KLF8: variants seen among roughly 807,000 people sequenced by gnomAD.
The protein encoded by KLF8 is KLF transcription factor 8.
Under a neutral mutation model 18.2 loss-of-function variants are expected in KLF8, and 10 were observed. The observed-to-expected ratio is 0.55, with a 90% CI of 0.34 to 0.93. The LOEUF (loss-of-function observed/expected upper bound fraction) is 0.93, where lower values mean the gene tolerates loss of function less well. Among genes scored for constraint, KLF8 ranks in the 40% least tolerant of loss-of-function variants. The pLI, the probability that KLF8 is intolerant of heterozygous loss-of-function variation, is 0.02. For missense variants in KLF8, 264 were observed against 277.9 expected (o/e 0.95, Z 0.36); for synonymous variants, 109 against 97.3 (o/e 1.12, Z -0.71).
At chrX:56,080,148 A>T in the KLF8 span, among the ~76,000 whole-genome samples, 7 of 110,368 alleles carry the variant, frequency 6.3e-5, no homozygotes, top group Non-Finnish European at 1.3e-4. Flanking sequence ...GTCCATTTCC[A>T]TTTAAAGTTA....
the KLF8 span, among the ~76,000 whole-genome samples, chrX:55,922,264 A>G: frequency 1.8e-5 from 2 of 112,958 alleles, no homozygotes; most frequent in South Asian, 3.6e-4. Flanking sequence ...TACATTACAC[A>G]ATGGAATACT....
chrX:55,971,377 A>C, the KLF8 span, among the ~76,000 whole-genome samples: 4 of 111,379 alleles, frequency 3.6e-5, no homozygotes, highest in African/African-American at 1.3e-4. Context: ...TCAAAAAACT[A>C]TACCCTTATC....
At chrX:56,006,914 A>C in the KLF8 span, among the ~76,000 whole-genome samples, 1 of 111,709 alleles carries the variant, frequency 9.0e-6, no homozygotes, top group Non-Finnish European at 1.9e-5. Flanking sequence ...GATAGCAGAT[A>C]GTGTGCTTGG....
At chrX:56,130,481 T>C in the KLF8 span, among the ~76,000 whole-genome samples, 1 of 111,528 alleles carries the variant, frequency 9.0e-6, no homozygotes, top group Middle Eastern at 4.6e-3. Flanking sequence ...GAGCACCCCG[T>C]GGTACAAACA....
chrX:56,201,650 C>G, the KLF8 span, among the ~76,000 whole-genome samples: 1 of 111,413 alleles, frequency 9.0e-6, no homozygotes, highest in Non-Finnish European at 1.9e-5. Flanking sequence ...CAGAAGGAAA[C>G]TTTGGGAGGT....
At chrX:56,127,785 G>A in the KLF8 span, among the ~76,000 whole-genome samples, 1 of 111,932 alleles carries the variant, frequency 8.9e-6, no homozygotes, top group African/African-American at 3.2e-5. Context: ...CAATAAAGAT[G>A]GAAAATAATT....
At chrX:56,259,870 A>G (rs760511927) in intron 2 of KLF8, among the ~76,000 whole-genome samples, 97 of 111,916 alleles carry the variant, frequency 8.7e-4, no homozygotes, top group African/African-American at 2.9e-3. Flanking sequence ...GATGTGAAGT[A>G]TTACTTTCCT....
intron 5 of KLF8, among the ~76,000 whole-genome samples, chrX:56,271,246 A>G (rs934605505): frequency 9.0e-6 from 1 of 110,987 alleles, no homozygotes; most frequent in Non-Finnish European, 1.9e-5. Flanking sequence ...TCCCCCATGG[A>G]TACTGAGGGA....
At chrX:56,055,736 A>G in the KLF8 span, among the ~76,000 whole-genome samples, 1 of 111,573 alleles carries the variant, frequency 9.0e-6, no homozygotes, top group Non-Finnish European at 1.9e-5. Context: ...ACACAATCCC[A>G]TATTTGTCAG....
chrX:56,089,025 C>A, the KLF8 span, among the ~76,000 whole-genome samples: 1 of 111,521 alleles, frequency 9.0e-6, no homozygotes, highest in Non-Finnish European at 1.9e-5. Flanking sequence ...CTTTTTCTAA[C>A]TCCTGACAAC....
intron 5 of KLF8, 26 bp downstream of exon 5, chrX:56,270,347 AACACACACAC>A (rs370151924): frequency 3.7e-4 from 238 of 651,808 alleles, no homozygotes; most frequent in Middle Eastern, 5.3e-4. Flanking sequence ...TCTCACCCCC[AACACACACAC>A]ACACACACAC....
chrX:56,150,856 T>A, the KLF8 span, among the ~76,000 whole-genome samples: 10 of 111,758 alleles, frequency 8.9e-5, no homozygotes, highest in Admixed American at 9.6e-5. Flanking sequence ...TGCTGATAAT[T>A]ATTATTAATC....
the KLF8 span, among the ~76,000 whole-genome samples, chrX:56,002,710 ATGCTAG>A: frequency 8.9e-6 from 1 of 112,381 alleles, no homozygotes; most frequent in African/African-American, 3.2e-5. Flanking sequence ...ATAAGTTGCT[ATGCTAG>A]TCATATAAAC....
At position 56,290,421 on chromosome X, in the gene KLF8, A is replaced by C. The variant is rs1235385314; in HGVS notation, c.*5927A>C. On this transcript the variant is annotated 3_prime_UTR_variant, in exon 6 of 6. Coordinates refer to ENST00000468660, the MANE Select transcript of KLF8 (RefSeq NM_007250.5). ...GATAAACAGATAAATTTGAGTAAGA[A>C]GGATAATTAAAGAGTGGCCACTGGA... Among the ~76,000 whole-genome samples the C allele has an allele frequency of 8.9e-6, 1 of 111,911 alleles. No individual in the cohort carries two copies. Among genetic ancestry groups the C allele is most frequent in the Non-Finnish European group, 1.9e-5 (1 of 53,135 alleles).
At chrX:56,103,082 G>A in the KLF8 span, among the ~76,000 whole-genome samples, 2 of 109,803 alleles carry the variant, frequency 1.8e-5, no homozygotes, top group South Asian at 4.0e-4. Context: ...CTCCATTTTG[G>A]TACCAGTACC....
At chrX:56,047,600 AT>A in the KLF8 span, among the ~76,000 whole-genome samples, 5 of 110,747 alleles carry the variant, frequency 4.5e-5, no homozygotes, top group Admixed American at 4.8e-4. Context: ...TGAACTCATC[AT>A]TTTTTATGGC....
the KLF8 span, among the ~76,000 whole-genome samples, chrX:56,132,442 T>C: frequency 1.8e-5 from 2 of 111,305 alleles, no homozygotes; most frequent in African/African-American, 6.5e-5. Flanking sequence ...AATTGAATGA[T>C]AATATTGACA....
At chrX:56,052,132 G>A in the KLF8 span, among the ~76,000 whole-genome samples, 1 of 111,067 alleles carries the variant, frequency 9.0e-6, no homozygotes, top group African/African-American at 3.3e-5. Flanking sequence ...GCTCCTTTAA[G>A]CACTTCTCTG....
chrX:56,077,545 C>A, the KLF8 span, among the ~76,000 whole-genome samples: 1 of 111,909 alleles, frequency 8.9e-6, no homozygotes, highest in Non-Finnish European at 1.9e-5. Flanking sequence ...GTTACTGTAG[C>A]CTTGTAGTAT....
Sources: gnomAD v4.1 joint callset for allele counts (sites outside exome capture counted in the v4.1 genomes callset) on GRCh38, gnomAD v4.1.1 for gene constraint, MANE v1.5 for transcripts, NCBI Gene and HGNC (gene_info 2026-07-23, HGNC 2026-07-21) for gene names.